ADGRD1: variants seen among roughly 807,000 people sequenced by gnomAD.
ADGRD1 encodes G-protein coupled receptor 133.
In ADGRD1, 77 loss-of-function variants were observed where a neutral mutation model predicts 113.4. The ratio of observed to expected loss-of-function variants is 0.68; its 90% CI spans 0.57 to 0.82. The LOEUF (loss-of-function observed/expected upper bound fraction) is 0.82. ADGRD1 is among the 40% of genes least tolerant of loss of function. The pLI is 0.00. For synonymous variants in ADGRD1, 474 were observed against 475.0 expected (o/e 1.00, Z 0.03); for missense variants, 1,036 against 1,139.1 (o/e 0.91, Z 1.30).
chr12:130,955,928 A>G (rs934250226), intron 2 of ADGRD1, among the ~76,000 whole-genome samples: 3 of 152,174 alleles, frequency 2.0e-5, no homozygotes, highest in Admixed American at 1.3e-4. Context: ...AGCTGGGATT[A>G]CAGGCCCATG....
intron 5 of ADGRD1, 131 bp downstream of exon 5, chr12:130,982,194 T>C: frequency 1.3e-6 from 1 of 776,152 alleles, no homozygotes. Context: ...CCGAGCTCCT[T>C]TCCTTTAAGG....
At chr12:131,135,987 C>T (rs767179194) in intron 21 of ADGRD1, 50 bp from the exon 22 acceptor site, 2 of 1,608,736 alleles carry the variant, frequency 1.2e-6, no homozygotes, top group South Asian at 2.2e-5. Context: ...TCCTCACAGC[C>T]TGCACCTGCC....
intron 6 of ADGRD1, chr12:130,990,784 C>T (rs1052861737): frequency 3.1e-5 from 14 of 448,910 alleles, no homozygotes; most frequent in African/African-American, 1.6e-4. Flanking sequence ...TGTTCAAAAG[C>T]GATTGAGAAT....
intron 13 of ADGRD1, among the ~76,000 whole-genome samples, chr12:131,047,766 A>G (rs1882988902): frequency 6.6e-6 from 1 of 152,192 alleles, no homozygotes; most frequent in Non-Finnish European, 1.5e-5. Context: ...GACGTGGGTC[A>G]GTGGGAGGAG....
At position 131,075,293 on chromosome 12, in the gene ADGRD1, C is replaced by A. The variant is rs1885507285; in HGVS notation, c.1474-1508C>A. On this transcript the variant is annotated intron_variant, in intron 13 of 24. Coordinates refer to ENST00000261654, the MANE Select transcript of ADGRD1 (RefSeq NM_198827.5). This position sits in a 1 kb window ranked among gnomAD's most constrained non-coding sequence, Gnocchi z 5.3. The stretch of plus-strand genomic sequence containing the variant: ...CCCTCCGAGAACCAGGCTGTGGCCA[C>A]CAGGTTTTTGTTCATCTTTTCTATT... Among the ~76,000 whole-genome samples, 1 of 151,476 alleles carries A rather than the reference C, an allele frequency of 6.6e-6. No individual in the cohort carries two copies. Among genetic ancestry groups the A allele is most frequent in the African/African-American group, 2.4e-5 (1 of 41,160 alleles).
intron 13 of ADGRD1, chr12:131,025,813 G>A (rs1879872339): frequency 6.6e-6 from 1 of 152,444 alleles, no homozygotes; most frequent in Non-Finnish European, 1.5e-5. Context: ...GGGATTACAG[G>A]CGTGGGCCAC....
intron 13 of ADGRD1, among the ~76,000 whole-genome samples, chr12:131,049,158 G>T (rs1883135366): frequency 6.6e-6 from 1 of 152,244 alleles, no homozygotes; most frequent in Admixed American, 6.5e-5. Context: ...CTGTGTGACT[G>T]TGACCGAGTC....
At position 130,971,545 on chromosome 12, in the gene ADGRD1, C is replaced by T. The variant is rs1871663275; in HGVS notation, c.275C>T (p.Ser92Phe). The change falls in exon 4 of 25, where the codon TCC (serine) becomes TTC (phenylalanine). Residue 92 changes from serine (S) to phenylalanine (F), a missense_variant. Physicochemically the swap from Ser to Phe is radical, Grantham distance 155. Coordinates refer to ENST00000261654, the MANE Select transcript of ADGRD1 (RefSeq NM_198827.5). This position sits in a 1 kb window ranked among gnomAD's most constrained non-coding sequence, Gnocchi z 4.2. ...CTCTATTACGGCAGGTACAACAGCT[C>T]CTGCATCAGCAAGCCAGAGCAGTGT... ...TLLYYGRYNS[S>F]CISKPEQCGP... The T allele has an allele frequency of 6.2e-7, 1 of 1,612,748 alleles. No homozygotes were observed. Among genetic ancestry groups the T allele is most frequent in the South Asian group, 1.1e-5 (1 of 90,870 alleles).
chr12:131,127,256 G>A (rs190658526), intron 20 of ADGRD1, among the ~76,000 whole-genome samples: 52 of 152,358 alleles, frequency 3.4e-4, no homozygotes, highest in African/African-American at 1.0e-3. Flanking sequence ...TAAAGTAAAG[G>A]ACTTGAAATC....
chr12:131,089,246 G>A (rs953136760), intron 15 of ADGRD1, among the ~76,000 whole-genome samples: 16 of 152,208 alleles, frequency 1.1e-4, no homozygotes, highest in Admixed American at 1.3e-4. Context: ...AGAGAACCTG[G>A]AAGATTCAGA....
chr12:131,007,416 G>T (rs970222139), intron 12 of ADGRD1, among the ~76,000 whole-genome samples: 4 of 152,260 alleles, frequency 2.6e-5, no homozygotes, highest in African/African-American at 9.6e-5. Flanking sequence ...ATCTTTGCCA[G>T]ACCCTCTATT....
At chr12:131,108,335 C>G (rs571147970) in intron 17 of ADGRD1, among the ~76,000 whole-genome samples, 1 of 152,176 alleles carries the variant, frequency 6.6e-6, no homozygotes, top group African/African-American at 2.4e-5. Context: ...TTGCTCCAGT[C>G]CTCACTTGAA....
chr12:131,073,692 C>G (rs769802274), intron 13 of ADGRD1, among the ~76,000 whole-genome samples: 24 of 152,218 alleles, frequency 1.6e-4, no homozygotes, highest in Non-Finnish European at 2.6e-4. Flanking sequence ...GCTGTGAAGT[C>G]CAAGCTCGGG....
rs1880094842 is a variant in ADGRD1 at position 131,027,461 on chromosome 12, C to G, written c.1473+13121C>G. 1 of 152,214 alleles carries G rather than the reference C, an allele frequency of 6.6e-6. No individual in the cohort carries two copies. The allele number at this position is 152,214 out of a possible 1,614,324, so 9.4% of individuals were successfully genotyped here. On this transcript the variant is annotated intron_variant, in intron 13 of 24. Coordinates refer to ENST00000261654, the MANE Select transcript of ADGRD1 (RefSeq NM_198827.5). The surrounding 1 kb of genome is among the most constrained non-coding windows in gnomAD (Gnocchi z 5.1). The stretch of plus-strand genomic sequence containing the variant: ...TGCTTAATAGTCTACGTTTGTCATC[C>G]TGCTGGTGTGCGTCTGGCTTCGGGT...
At chr12:131,120,698 T>C (rs971523248) in intron 19 of ADGRD1, 149 bp from the exon 20 acceptor site, 9 of 760,312 alleles carry the variant, frequency 1.2e-5, no homozygotes, top group Middle Eastern at 4.5e-4. Context: ...TGGATAAAAA[T>C]ACATTTGCAG....
chr12:131,087,845 T>C (rs1241090336), intron 15 of ADGRD1, among the ~76,000 whole-genome samples: 2 of 152,158 alleles, frequency 1.3e-5, no homozygotes, highest in African/African-American at 4.8e-5. Context: ...TTGGCGGCAA[T>C]TTAAAGAAAA....
chr12:131,099,017 TGCCTTCAAGCA>T (rs1312556420), intron 15 of ADGRD1, among the ~76,000 whole-genome samples: 1 of 152,216 alleles, frequency 6.6e-6, no homozygotes, highest in Non-Finnish European at 1.5e-5. Context: ...GAGGAGTCGA[TGCCTTCAAGCA>T]GCAGGTGCCT....
At chr12:131,051,134 C>G (rs1385623377) in intron 13 of ADGRD1, among the ~76,000 whole-genome samples, 1 of 152,208 alleles carries the variant, frequency 6.6e-6, no homozygotes, top group East Asian at 1.9e-4. Context: ...AGATCTGAAC[C>G]ACGTCCTGCC....
At chr12:130,973,139 T>G (rs1192447155) in intron 4 of ADGRD1, 1 of 152,224 alleles carries the variant, frequency 6.6e-6, no homozygotes, top group African/African-American at 2.4e-5. Context: ...TAAGTCGCGG[T>G]GGCCCTGGAC....
Sources: gnomAD v4.1 joint callset for allele counts (sites outside exome capture counted in the v4.1 genomes callset) on GRCh38, gnomAD v4.1.1 for gene constraint, Gnocchi (gnomAD v3.1) non-coding constraint, MANE v1.5 for transcripts, NCBI Gene and HGNC (gene_info 2026-07-23, HGNC 2026-07-21) for gene names.